The following KLHL24 variants were observed in gnomAD, a reference collection of about 807,000 sequenced individuals.
KLHL24 encodes the protein kelch like family member 24.
In KLHL24, 29 loss-of-function variants were observed where a neutral mutation model predicts 53.4. That is an observed-to-expected ratio of 0.54 (90% CI 0.40 to 0.74). The LOEUF is 0.74. Ranked by LOEUF, KLHL24 falls within the 30% of genes least tolerant of loss-of-function variation. KLHL24 has a pLI of 0.00. For synonymous variants in KLHL24, 222 were observed against 253.7 expected (o/e 0.88, Z 1.19); for missense variants, 504 against 744.0 (o/e 0.68, Z 3.75).
At chr3:183,662,812 T>C (rs960483677) in intron 3 of KLHL24, among the ~76,000 whole-genome samples, 4 of 152,302 alleles carry the variant, frequency 2.6e-5, no homozygotes, top group African/African-American at 4.8e-5. Flanking sequence ...CCAGATACAT[T>C]TTTTAGATAG....
chr3:183,645,242 G>T (rs927185395), intron 2 of KLHL24, among the ~76,000 whole-genome samples: 1 of 152,114 alleles, frequency 6.6e-6, no homozygotes, highest in Non-Finnish European at 1.5e-5. Flanking sequence ...TACATACATT[G>T]AACTTTTTGA....
chr3:183,672,684 G>A (rs987228925), intron 7 of KLHL24, 200 bp downstream of exon 7: 3 of 314,202 alleles, frequency 9.5e-6, no homozygotes, highest in African/African-American at 6.5e-5. Flanking sequence ...GGCTAATATG[G>A]TGAAACCCCG....
chr3:183,661,117 G>A (rs1481504048), intron 3 of KLHL24, among the ~76,000 whole-genome samples: 1 of 115,726 alleles, frequency 8.6e-6, no homozygotes, highest in African/African-American at 3.8e-5. Flanking sequence ...TGTGCCTGTA[G>A]TCCCGACTAC....
intron 4 of KLHL24, 148 bp from the exon 5 acceptor site, chr3:183,664,773 G>A (rs754259845): frequency 8.9e-5 from 42 of 473,270 alleles, no homozygotes; most frequent in Middle Eastern, 3.1e-4. Context: ...AATTTCAAGA[G>A]GTCTTTATTT....
At chr3:183,677,814 G>A (rs1238444025) in intron 7 of KLHL24, among the ~76,000 whole-genome samples, 3 of 151,890 alleles carry the variant, frequency 2.0e-5, no homozygotes, top group East Asian at 1.9e-4. Flanking sequence ...TTTTTGAGAC[G>A]GAGTTTCGCT....
At chr3:183,669,097 A>G (rs1720979283) in intron 5 of KLHL24, among the ~76,000 whole-genome samples, 1 of 152,186 alleles carries the variant, frequency 6.6e-6, no homozygotes, top group South Asian at 2.1e-4. Flanking sequence ...CATGGCATGT[A>G]TTATATTTTA....
intron 3 of KLHL24, among the ~76,000 whole-genome samples, chr3:183,660,677 A>G (rs890999059): frequency 1.3e-5 from 2 of 152,100 alleles, no homozygotes; most frequent in Admixed American, 1.3e-4. Context: ...TGATCAATAT[A>G]GCCATTTTCA....
In KLHL24 at chr3:183,679,001, C is replaced by T; in HGVS notation, c.1603-85C>T. On this transcript the variant is annotated intron_variant, in intron 7 of 7. Transcript: ENST00000242810. ...CATGTCTCCCTTTTTTTTGACTGTG[C>T]TAAAGCATTATTTTGCTTTTCTGTT... is the stretch of plus-strand genomic sequence containing the variant. The T allele has an allele frequency of 3.8e-6, 4 of 1,061,532 alleles. No homozygotes were observed. In the Admixed American group the frequency reaches 7.3e-5, roughly 19 times the overall value. The allele number at this position is 1,061,532 out of a possible 1,614,324, so 65.8% of individuals were successfully genotyped here. A position where few individuals can be genotyped will look rare whatever the true frequency, so the allele number is the denominator to read the frequency against.
Position 183,663,394 on chromosome 3 carries a change from T to C in KLHL24, c.921-64T>C. The C allele has an allele frequency of 1.1e-6, 1 of 873,908 alleles. No homozygotes were observed. Among genetic ancestry groups the C allele is most frequent in the Admixed American group, 3.2e-5 (1 of 31,172 alleles). 54.1% of individuals were successfully genotyped at this position (873,908 alleles called of 1,614,324 possible). A position where few individuals can be genotyped will look rare whatever the true frequency, so the allele number is the denominator to read the frequency against. ...TTGTTTTTAGAGTTTTAAGAAAAAA[T>C]CTGGAGTATATTTTAATGTAATATT... On this transcript the variant is annotated intron_variant, in intron 3 of 7. Transcript: ENST00000242810. This position sits in a 1 kb window ranked among gnomAD's most constrained non-coding sequence, Gnocchi z 4.9.
intron 7 of KLHL24, among the ~76,000 whole-genome samples, chr3:183,676,616 C>T (rs1711925907): frequency 6.6e-6 from 1 of 152,134 alleles, no homozygotes. Context: ...CTGCCTATTT[C>T]TCTGTTTGTC....
intron 3 of KLHL24, among the ~76,000 whole-genome samples, chr3:183,654,925 A>G (rs1334962370): frequency 1.3e-5 from 2 of 152,262 alleles, no homozygotes; most frequent in East Asian, 1.9e-4. Context: ...TGTAATGTGT[A>G]TAATATATTG....
At chr3:183,645,523 G>A (rs188894292) in intron 2 of KLHL24, among the ~76,000 whole-genome samples, 32 of 152,274 alleles carry the variant, frequency 2.1e-4, no homozygotes, top group Middle Eastern at 3.4e-3. Context: ...GTTGGGTGAC[G>A]TATAATGAAG....
In KLHL24 at chr3:183,639,427, A is replaced by G. The variant is rs193213301; in HGVS notation, c.-125+3634A>G. 9.4e-3 allele frequency among the ~76,000 whole-genome samples: 1,411 copies of G among 150,756 alleles called. 13 individuals are homozygous for G. The highest frequency in any genetic ancestry group is 0.065 in the Middle Eastern group (18 of 276). ...GGGCAGATCACAAGGTCAGGAGATC[A>G]AGACCATCCTGGCTAACACGGAGAA... is the stretch of plus-strand genomic sequence containing the variant. On this transcript the variant is annotated intron_variant, in intron 1 of 7. Transcript: ENST00000242810.
In KLHL24 at chr3:183,651,094, A is replaced by G. The variant is rs1439332707; in HGVS notation, c.738A>G (p.Pro246=). 1 of 1,614,198 alleles carries G rather than the reference A, an allele frequency of 6.2e-7. No individual in the cohort carries two copies. The highest frequency in any genetic ancestry group is 8.5e-7 in the Non-Finnish European group (1 of 1,180,030). The change falls in exon 3 of 8, where the codon CCA becomes CCG. Residue 246 remains proline, a synonymous_variant. Transcript: ENST00000242810. ...WVYRAVDLRR[P]LLHELLTHVR... ...ATCGTGCCGTTGATCTGAGAAGACC[A>G]CTGTTACACGAGCTCCTGACACATG... is the stretch of plus-strand genomic sequence containing the variant.
chr3:183,674,908 C>G (rs1199332100), intron 7 of KLHL24, among the ~76,000 whole-genome samples: 1 of 152,152 alleles, frequency 6.6e-6, no homozygotes, highest in Non-Finnish European at 1.5e-5. Flanking sequence ...GTTTTACCTT[C>G]TCTACTTGTA....
rs370035726 is a variant in KLHL24, at chr3:183,639,590, G to A, written c.-125+3797G>A. ...GCTTGCAGTGAGCCAAGATCGCGCC[G>A]CTGCACTCCAGCCTGGGTGACAGAG... On this transcript the variant is annotated intron_variant, in intron 1 of 7. Transcript: ENST00000242810. 2.5e-3 allele frequency among the ~76,000 whole-genome samples: 347 copies of A among 138,854 alleles called. 2 individuals carry two copies. Among genetic ancestry groups the A allele is most frequent in the African/African-American group, 8.4e-3 (306 of 36,620 alleles). The allele number at this position is 138,854 out of a possible 152,430, so 91.1% of individuals were successfully genotyped here.
At position 183,671,228 on chromosome 3, in the gene KLHL24, C is replaced by T. The variant is rs370973440; in HGVS notation, c.1413+6C>T. The T allele has an allele frequency of 6.2e-7, 1 of 1,600,496 alleles. No individual in the cohort carries two copies. The highest frequency in any genetic ancestry group is 8.5e-7 in the Non-Finnish European group (1 of 1,171,968). ...ATAATACTTGTTCTGATAAGGTAAG[C>T]CATGCACTTTTAAAGAAATTACCAA... is the stretch of plus-strand genomic sequence containing the variant. On this transcript the variant is annotated splice_donor_region_variant and intron_variant, in intron 6 of 7. Coordinates refer to ENST00000242810, the MANE Select transcript of KLHL24 (RefSeq NM_017644.3).
At position 183,679,582 on chromosome 3, in the gene KLHL24, T is replaced by C. The variant is rs1020757507; in HGVS notation, c.*296T>C. 2 of 327,920 alleles carry C rather than the reference T, an allele frequency of 6.1e-6. No individual in the cohort carries two copies. The highest frequency in any genetic ancestry group is 2.1e-5 in the African/African-American group (1 of 46,764). The allele number at this position is 327,920 out of a possible 1,614,324, so 20.3% of individuals were successfully genotyped here. On this transcript the variant is annotated 3_prime_UTR_variant, in exon 8 of 8. Transcript: ENST00000242810. ...GTGAATTAGGAAATGTCTGTCTGCATACCTTTTAGGAGCGTGTGAATGGTG... is the reference window on the plus strand; with the variant it reads ...GTGAATTAGGAAATGTCTGTCTGCACACCTTTTAGGAGCGTGTGAATGGTG...
intron 3 of KLHL24, among the ~76,000 whole-genome samples, chr3:183,662,223 G>A (rs992530600): frequency 2.0e-5 from 3 of 152,242 alleles, no homozygotes; most frequent in Admixed American, 6.5e-5. Flanking sequence ...AACGGAAAAA[G>A]TATGCCTGGC....
Sources: allele counts gnomAD v4.1 joint callset (sites outside exome capture counted in the v4.1 genomes callset), GRCh38; gene constraint gnomAD v4.1.1; non-coding constraint Gnocchi (gnomAD v3.1); transcripts MANE v1.5; gene names NCBI Gene and HGNC (gene_info 2026-07-23, HGNC 2026-07-21).